Variants in THRB observed in about 807,000 individuals in gnomAD.
THRB encodes thyroid hormone receptor beta, also known as nuclear receptor subfamily 1 group A member 2.
In THRB, 12 loss-of-function variants were observed where a neutral mutation model predicts 47.8. The ratio of observed to expected loss-of-function variants is 0.25; its 90% CI spans 0.16 to 0.41. The LOEUF is 0.41. THRB is among the 10% of genes least tolerant of loss of function. The pLI, the probability that THRB is intolerant of heterozygous loss-of-function variation, is 1.00. For synonymous variants in THRB, 218 were observed against 212.2 expected (o/e 1.03, Z -0.24); for missense variants, 348 against 589.2 (o/e 0.59, Z 4.24).
chr3:24,317,496 A>G lies in THRB; in HGVS notation c.-189+19804T>C, dbSNP rs567089940. Among the ~76,000 whole-genome samples, 227 of 152,316 alleles carry G rather than the reference A, an allele frequency of 1.5e-3. 1 individual carries two copies. Among genetic ancestry groups the G allele is most frequent in the African/African-American group, 5.3e-3 (219 of 41,568 alleles). On this transcript the variant is annotated intron_variant, in intron 2 of 10. Transcript: ENST00000646209. ...TGTAAGTGTCTGCCTTACTCCTCCA[A>G]TAAAAAGAGAGATGCTAACACCAAG...
chr3:24,244,396 GGAGT>G (rs1414341189), intron 3 of THRB, among the ~76,000 whole-genome samples: 5 of 152,096 alleles, frequency 3.3e-5, no homozygotes, highest in Admixed American at 3.3e-4. Context: ...TTTTGAATTG[GGAGT>G]GAGAGAGAAC....
intron 3 of THRB, among the ~76,000 whole-genome samples, chr3:24,281,013 G>T (rs2054532721): frequency 6.6e-6 from 1 of 152,148 alleles, no homozygotes; most frequent in Admixed American, 6.5e-5. Flanking sequence ...AAAACACTCT[G>T]CAGGATATCA....
chr3:24,323,971 C>T (rs1271481781), intron 2 of THRB, among the ~76,000 whole-genome samples: 8 of 152,202 alleles, frequency 5.3e-5, no homozygotes, highest in Non-Finnish European at 1.0e-4. Context: ...TGTGCTACAT[C>T]TGTTAATAAA....
At chr3:24,477,499 C>A (rs774367801) in intron 1 of THRB, among the ~76,000 whole-genome samples, 1 of 152,078 alleles carries the variant, frequency 6.6e-6, no homozygotes, top group Non-Finnish European at 1.5e-5. Flanking sequence ...GGCTGGAGCT[C>A]TAGATTCTGT....
chr3:24,487,351 C>A (rs866007839), intron 1 of THRB, among the ~76,000 whole-genome samples: 2 of 151,816 alleles, frequency 1.3e-5, no homozygotes, highest in Non-Finnish European at 2.9e-5. Flanking sequence ...CAAGCACACA[C>A]ACACACACAC....
intron 5 of THRB, 89 bp downstream of exon 5, chr3:24,189,985 G>T: frequency 1.5e-6 from 2 of 1,301,054 alleles, no homozygotes; most frequent in Non-Finnish European, 2.2e-6. Context: ...TACATTGGAA[G>T]AGAAATGTAG....
chr3:24,190,032 T>A (rs766988120), intron 5 of THRB, 42 bp downstream of exon 5: 1 of 1,599,558 alleles, frequency 6.3e-7, no homozygotes, highest in Non-Finnish European at 8.6e-7. Context: ...ATTTTTTTTC[T>A]TGTTGAAACA....
At chr3:24,276,153 G>A (rs559358124) in intron 3 of THRB, among the ~76,000 whole-genome samples, 1 of 152,074 alleles carries the variant, frequency 6.6e-6, no homozygotes, top group East Asian at 1.9e-4. Flanking sequence ...ATTGTGTATG[G>A]CTATGCTAAG....
intron 1 of THRB, among the ~76,000 whole-genome samples, chr3:24,465,668 T>C (rs2074083028): frequency 6.6e-6 from 1 of 152,194 alleles, no homozygotes; most frequent in South Asian, 2.1e-4. Context: ...CCTCCCAAAG[T>C]GCTGGTATTA....
intron 1 of THRB, among the ~76,000 whole-genome samples, chr3:24,348,224 G>A (rs553690759): frequency 2.0e-5 from 3 of 152,104 alleles, no homozygotes; most frequent in East Asian, 3.9e-4. Context: ...AAAATGAAAA[G>A]CATCTGGTCC....
intron 2 of THRB, among the ~76,000 whole-genome samples, chr3:24,306,867 T>G (rs1233896672): frequency 6.6e-6 from 1 of 152,168 alleles, no homozygotes; most frequent in Non-Finnish European, 1.5e-5. Flanking sequence ...TACAATTAAC[T>G]GATAGAGTTT....
chr3:24,485,802 T>C (rs879717630), intron 1 of THRB, among the ~76,000 whole-genome samples: 3 of 152,204 alleles, frequency 2.0e-5, no homozygotes, highest in Non-Finnish European at 4.4e-5. Context: ...CAATGTACAT[T>C]GTACTTAACT....
At chr3:24,464,834 T>A (rs990615718) in intron 1 of THRB, among the ~76,000 whole-genome samples, 4 of 152,228 alleles carry the variant, frequency 2.6e-5, no homozygotes, top group Non-Finnish European at 5.9e-5. Context: ...AATCTTTTTT[T>A]ATCATTCTAT....
At chr3:24,341,657 A>G (rs2062665178) in intron 1 of THRB, among the ~76,000 whole-genome samples, 2 of 152,100 alleles carry the variant, frequency 1.3e-5, no homozygotes, top group Non-Finnish European at 2.9e-5. Flanking sequence ...GGTTAAGTCT[A>G]TTCTCCTGTG....
intron 2 of THRB, among the ~76,000 whole-genome samples, chr3:24,337,007 A>G: frequency 6.6e-6 from 1 of 152,070 alleles, no homozygotes; most frequent in East Asian, 1.9e-4. Context: ...ATGGGAAAGG[A>G]TTGTTGGATC....
At chr3:24,471,305 T>C (rs915867236) in intron 1 of THRB, among the ~76,000 whole-genome samples, 1 of 152,196 alleles carries the variant, frequency 6.6e-6, no homozygotes, top group Non-Finnish European at 1.5e-5. Flanking sequence ...CAGCAATCTG[T>C]ATGTTAACAA....
chr3:24,127,778 T>C, intron 9 of THRB, 21 bp from the exon 10 acceptor site: 1 of 1,614,168 alleles, frequency 6.2e-7, no homozygotes, highest in Non-Finnish European at 8.5e-7. Context: ...CCAGTTCATG[T>C]CAGCAAAGAA....
intron 1 of THRB, among the ~76,000 whole-genome samples, chr3:24,445,914 T>C (rs539163187): frequency 6.6e-6 from 1 of 152,308 alleles, no homozygotes; most frequent in African/African-American, 2.4e-5. Flanking sequence ...TTGAAAAATA[T>C]TTAATGTCAT....
At chr3:24,146,022 C>T (rs1040114128) in intron 7 of THRB, among the ~76,000 whole-genome samples, 1 of 152,082 alleles carries the variant, frequency 6.6e-6, no homozygotes, top group Non-Finnish European at 1.5e-5. Context: ...GGAGAAGAGA[C>T]CCCAAGGGCT....
Sources: allele counts gnomAD v4.1 joint callset (sites outside exome capture counted in the v4.1 genomes callset), GRCh38; gene constraint gnomAD v4.1.1; transcripts MANE v1.5; gene names NCBI Gene and HGNC (gene_info 2026-07-23, HGNC 2026-07-21).